The following PARD6G variants were observed in gnomAD, a reference collection of about 807,000 sequenced individuals.
The protein encoded by PARD6G is par-6 family cell polarity regulator gamma.
In PARD6G, 7 loss-of-function variants were observed where a neutral mutation model predicts 10.7. The ratio of observed to expected loss-of-function variants is 0.66; its 90% confidence interval spans 0.37 to 1.23. The LOEUF (loss-of-function observed/expected upper bound fraction) is 1.23. PARD6G is among the 50% of genes most tolerant of loss of function. The pLI, the probability that PARD6G is intolerant of heterozygous loss-of-function variation, is 0.02. For synonymous variants in PARD6G, 287 were observed against 269.4 expected (o/e 1.07, Z -0.64); for missense variants, 548 against 571.8 (o/e 0.96, Z 0.42).
chr18:80,190,402 CTGTT>C (rs1161571352), intron 2 of PARD6G, among the ~76,000 whole-genome samples: 1 of 152,214 alleles, frequency 6.6e-6, no homozygotes, highest in Non-Finnish European at 1.5e-5. Flanking sequence ...CGTCCAGAGT[CTGTT>C]CCCAGTGGGC....
rs905920438 is a variant in PARD6G at position 80,159,783 on chromosome 18, C to T, written c.1119G>A (p.Ala373=). ...PPGGVEEHGP[A]VTL ...GCCTCTCGGGAGTCTAGAGCGTGAC[C>T]GCGGGCCCGTGCTCCTCCACGCCGC... Residue 373 remains alanine (A), a synonymous_variant, in exon 3 of 3, where the codon GCG becomes GCA. Transcript: ENST00000353265. 4.2e-6 allele frequency: 6 copies of T among 1,434,292 alleles called. No homozygotes were observed. Among genetic ancestry groups the T allele is most frequent in the East Asian group, 2.9e-5 (1 of 34,172 alleles). 88.8% of individuals were successfully genotyped at this position (1,434,292 alleles called of 1,614,324 possible).
intron 2 of PARD6G, among the ~76,000 whole-genome samples, chr18:80,166,709 G>C (rs2052738487): frequency 6.6e-6 from 1 of 151,406 alleles, no homozygotes; most frequent in Non-Finnish European, 1.5e-5. Context: ...CAGTCCACAG[G>C]GTCCTCACTC....
Position 80,228,293 on chromosome 18 carries a change from G to A in PARD6G, c.72+18984C>T, listed in dbSNP as rs865807092. Reference sequence around the variant, plus strand: ...GCGGAAGCCGCCATGGGGAGGTGAGGGGAGGTGAGCGGAGGGGAGGCCAGG... The same window carrying A: ...GCGGAAGCCGCCATGGGGAGGTGAGAGGAGGTGAGCGGAGGGGAGGCCAGG... On this transcript the variant is annotated intron_variant, in intron 1 of 2. Coordinates refer to ENST00000353265, the MANE Select transcript of PARD6G (RefSeq NM_032510.4). This position sits in a 1 kb window ranked among gnomAD's most constrained non-coding sequence, Gnocchi z 4.6. Among the ~76,000 whole-genome samples the A allele has an allele frequency of 2.0e-5, 3 of 150,830 alleles. No homozygotes were observed. In the East Asian group the frequency reaches 5.8e-4, roughly 29 times the overall value.
rs1019227717 is a variant in PARD6G, at chr18:80,246,408, C to G, written c.72+869G>C. On this transcript the variant is annotated intron_variant, in intron 1 of 2. Transcript: ENST00000353265. The surrounding 1 kb of genome is among the most constrained non-coding windows in gnomAD (Gnocchi z 6.7). ...GCGCCAGATCCTACCAGCCAATTAC[C>G]CAGACGCGCATCGCGACCCGCAAGT... Among the ~76,000 whole-genome samples the G allele has an allele frequency of 6.6e-6, 1 of 152,178 alleles. No individual in the cohort carries two copies. Among genetic ancestry groups the G allele is most frequent in the African/African-American group, 2.4e-5 (1 of 41,460 alleles).
intron 2 of PARD6G, among the ~76,000 whole-genome samples, chr18:80,179,481 A>G (rs546395502): frequency 8.5e-5 from 13 of 152,270 alleles, no homozygotes; most frequent in African/African-American, 3.1e-4. Context: ...GAAGGCCAAC[A>G]GGACAGGGGA....
At chr18:80,198,903 T>G (rs1334194663) in intron 2 of PARD6G, among the ~76,000 whole-genome samples, 2 of 152,208 alleles carry the variant, frequency 1.3e-5, no homozygotes. Flanking sequence ...TCCGAAATAA[T>G]TCACATAAAC....
intron 1 of PARD6G, among the ~76,000 whole-genome samples, chr18:80,224,039 C>T (rs1017045887): frequency 6.6e-6 from 1 of 152,182 alleles, no homozygotes; most frequent in Non-Finnish European, 1.5e-5. Flanking sequence ...TAGAACTTGC[C>T]TTCCCTCACA....
Position 80,188,230 on chromosome 18 carries a change from C to G in PARD6G, c.295+14480G>C, listed in dbSNP as rs1278900102. On this transcript the variant is annotated intron_variant, in intron 2 of 2. Transcript: ENST00000353265. This position sits in a 1 kb window ranked among gnomAD's most constrained non-coding sequence, Gnocchi z 5.4. ...TTAATTATGTGAACCTTCTTGGGTC[C>G]CATGGCTGGCCCCACCCTGGCCTCT... 6.6e-6 allele frequency among the ~76,000 whole-genome samples: 1 copy of G among 152,172 alleles called. No individual in the cohort carries two copies. Among genetic ancestry groups the G allele is most frequent in the Non-Finnish European group, 1.5e-5 (1 of 68,022 alleles).
At chr18:80,234,102 G>A (rs9676180) in intron 1 of PARD6G, among the ~76,000 whole-genome samples, 25,859 of 152,056 alleles carry the variant, frequency 0.17, 2,792 homozygotes, top group East Asian at 0.41. Flanking sequence ...CTGCTGTGAG[G>A]TCTTCATTCC....
At chr18:80,208,051 T>G (rs998896538) in intron 1 of PARD6G, among the ~76,000 whole-genome samples, 2 of 152,042 alleles carry the variant, frequency 1.3e-5, no homozygotes, top group Non-Finnish European at 1.5e-5. Flanking sequence ...CATTTAGATT[T>G]CACTGTATCA....
At chr18:80,216,954 A>G (rs547624284) in intron 1 of PARD6G, among the ~76,000 whole-genome samples, 1 of 152,300 alleles carries the variant, frequency 6.6e-6, no homozygotes, top group African/African-American at 2.4e-5. Flanking sequence ...GGAATCAAGG[A>G]TTATAAACAT....
At chr18:80,167,349 T>C (rs568830913) in intron 2 of PARD6G, among the ~76,000 whole-genome samples, 32 of 147,730 alleles carry the variant, frequency 2.2e-4, no homozygotes, top group Non-Finnish European at 3.8e-4. Flanking sequence ...CGTGTGGATG[T>C]GTGTGCAGGA....
chr18:80,168,225 T>A (rs1192280354), intron 2 of PARD6G, among the ~76,000 whole-genome samples: 1 of 152,200 alleles, frequency 6.6e-6, no homozygotes, highest in African/African-American at 2.4e-5. Context: ...GTGCAGGAAG[T>A]ACTGCCCGCA....
Position 80,201,199 on chromosome 18 carries a change from C to T in PARD6G, c.295+1511G>A, listed in dbSNP as rs564548373. ...AGAGGACGACAGGCAGAGGGGAACA[C>T]GGGCTCATCAGATCAAGCAGCTGAG... On this transcript the variant is annotated intron_variant, in intron 2 of 2. Transcript: ENST00000353265. This position sits in a 1 kb window ranked among gnomAD's most constrained non-coding sequence, Gnocchi z 5.9. Among the ~76,000 whole-genome samples, 5 of 152,238 alleles carry T rather than the reference C, an allele frequency of 3.3e-5. No homozygotes were observed. The highest frequency in any genetic ancestry group is 1.2e-4 in the African/African-American group (5 of 41,540).
intron 1 of PARD6G, among the ~76,000 whole-genome samples, chr18:80,213,421 A>G (rs1452661618): frequency 6.6e-6 from 1 of 152,200 alleles, no homozygotes; most frequent in East Asian, 1.9e-4. Context: ...GGACTACCAG[A>G]GTGTTGAAGC....
rs1296381512 is a variant in PARD6G at position 80,231,664 on chromosome 18, T to C, written c.72+15613A>G. ...ATTCATCCCAGGGTTGTGGTGAGAC[T>C]CTAATATGAACACATGTCCTGTGTT... On this transcript the variant is annotated intron_variant, in intron 1 of 2. Coordinates refer to ENST00000353265, the MANE Select transcript of PARD6G (RefSeq NM_032510.4). This position sits in a 1 kb window ranked among gnomAD's most constrained non-coding sequence, Gnocchi z 4.2. Among the ~76,000 whole-genome samples the C allele has an allele frequency of 6.6e-6, 1 of 152,132 alleles. No individual in the cohort carries two copies. Among genetic ancestry groups the C allele is most frequent in the Non-Finnish European group, 1.5e-5 (1 of 68,032 alleles).
Position 80,200,370 on chromosome 18 carries a change from C to A in PARD6G, c.295+2340G>T, listed in dbSNP as rs1175544392. ...CCACTGAGGACAGCGAGAGGCAGCT[C>A]TGATTTTCCCAAAGACAGGACCGAG... is the stretch of plus-strand genomic sequence containing the variant. On this transcript the variant is annotated intron_variant, in intron 2 of 2. Transcript: ENST00000353265. This position sits in a 1 kb window ranked among gnomAD's most constrained non-coding sequence, Gnocchi z 4.4. Among the ~76,000 whole-genome samples the A allele has an allele frequency of 6.6e-6, 1 of 152,168 alleles. No individual in the cohort carries two copies. Among genetic ancestry groups the A allele is most frequent in the African/African-American group, 2.4e-5 (1 of 41,446 alleles).
At chr18:80,238,811 C>T (rs1025133682) in intron 1 of PARD6G, among the ~76,000 whole-genome samples, 14 of 140,438 alleles carry the variant, frequency 1.0e-4, no homozygotes, top group Non-Finnish European at 1.7e-4. Flanking sequence ...TGAACTTCCA[C>T]TGGCAAGAGT....
chr18:80,204,595 C>G (rs1432019920), intron 1 of PARD6G, among the ~76,000 whole-genome samples: 10 of 151,366 alleles, frequency 6.6e-5, no homozygotes, highest in African/African-American at 2.4e-4. Context: ...TTGTGCACTG[C>G]CCTCAGCAAT....
Sources: gnomAD v4.1 joint callset for allele counts (sites outside exome capture counted in the v4.1 genomes callset) on GRCh38, gnomAD v4.1.1 for gene constraint, Gnocchi (gnomAD v3.1) non-coding constraint, MANE v1.5 for transcripts, NCBI Gene and HGNC (gene_info 2026-07-23, HGNC 2026-07-21) for gene names.